The following TENM1 variants were observed in gnomAD, a reference collection of about 807,000 sequenced individuals.
TENM1 encodes the protein teneurin transmembrane protein 1.
In TENM1, 35 loss-of-function variants were observed where a neutral mutation model predicts 174.8. The observed-to-expected ratio is 0.20, with a 90% CI of 0.15 to 0.27. The LOEUF (loss-of-function observed/expected upper bound fraction) is 0.27. Among genes scored for constraint, TENM1 ranks in the 10% least tolerant of loss-of-function variants. The probability of loss-of-function intolerance (pLI) is 1.00; values close to 1 mark genes in which losing one functional copy is unlikely to be tolerated. For missense variants in TENM1, 1,633 were observed against 2,130.1 expected, an observed-to-expected ratio of 0.77 and a Z score of 4.59; for synonymous variants, 781 against 798.7, an observed-to-expected ratio of 0.98 and a Z score of 0.37.
At chrX:124,800,678 T>C (rs1440948596) in intron 3 of TENM1, among the ~76,000 whole-genome samples, 2 of 111,864 alleles carry the variant, frequency 1.8e-5, no homozygotes, top group Admixed American at 9.5e-5. Context: ...TGTGGCTCTT[T>C]TAATTGTGAT....
intron 3 of TENM1, among the ~76,000 whole-genome samples, chrX:124,856,531 A>G (rs1170954736): frequency 9.0e-6 from 1 of 111,602 alleles, no homozygotes; most frequent in Non-Finnish European, 1.9e-5. Flanking sequence ...TAATATTCAT[A>G]GCACAGTTAC....
Position 124,482,395 on chromosome X carries a change from G to C in TENM1, c.3717-431C>G, listed in dbSNP as rs752262436. Reference sequence around the variant, plus strand: ...TCATAAACCTACTTCCTTTCTCTTGGGCTTCTCACCTTGCTTGTGGACAAT... The same window carrying C: ...TCATAAACCTACTTCCTTTCTCTTGCGCTTCTCACCTTGCTTGTGGACAAT... On this transcript the variant is annotated intron_variant, in intron 21 of 31. Coordinates refer to ENST00000422452, the Ensembl canonical transcript of TENM1. Among the ~76,000 whole-genome samples the C allele has an allele frequency of 2.7e-5, 3 of 109,948 alleles. No homozygotes were observed. The East Asian group carries it at 8.6e-4, about 32-fold the overall frequency.
At position 124,561,657 on chromosome X, in the gene TENM1, T is replaced by G; in HGVS notation, c.2434+14A>C. The G allele has an allele frequency of 8.3e-7, 1 of 1,210,474 alleles. No homozygotes were observed. Among genetic ancestry groups the G allele is most frequent in the Non-Finnish European group, 1.1e-6 (1 of 894,785 alleles). On this transcript the variant is annotated intron_variant, in intron 14 of 31. Transcript: ENST00000422452. ...CTATTCCTTTCTTACGTGAACATTTTATAAATGACTCACCTCCATCATTGT... is the reference window on the plus strand; with the variant it reads ...CTATTCCTTTCTTACGTGAACATTTGATAAATGACTCACCTCCATCATTGT...
At chrX:124,996,552 CA>C in the TENM1 span, among the ~76,000 whole-genome samples, 2 of 72,596 alleles carry the variant, frequency 2.8e-5, no homozygotes, top group Non-Finnish European at 5.1e-5. Flanking sequence ...AAAAAAACCA[CA>C]CACACACACA....
At chrX:125,061,448 C>T in the TENM1 span, among the ~76,000 whole-genome samples, 1 of 111,738 alleles carries the variant, frequency 8.9e-6, no homozygotes, top group African/African-American at 3.3e-5. Context: ...TAGCATTGTG[C>T]TTGGCTACAG....
chrX:124,660,880 G>T (rs1248164548), intron 6 of TENM1, among the ~76,000 whole-genome samples: 1 of 111,788 alleles, frequency 8.9e-6, no homozygotes, highest in Admixed American at 9.5e-5. Flanking sequence ...CCACAACTTG[G>T]TGTATACTCC....
At chrX:124,664,484 G>T (rs1270127324) in intron 6 of TENM1, among the ~76,000 whole-genome samples, 2 of 96,477 alleles carry the variant, frequency 2.1e-5, no homozygotes, top group Non-Finnish European at 4.0e-5. Context: ...TCCACAATTG[G>T]CATTGTATAA....
intron 3 of TENM1, among the ~76,000 whole-genome samples, chrX:124,829,914 T>C (rs1360608084): frequency 6.2e-5 from 7 of 112,328 alleles, no homozygotes; most frequent in East Asian, 2.8e-4. Flanking sequence ...TTATTCATTG[T>C]GTGCCTTTTG....
intron 1 of TENM1, among the ~76,000 whole-genome samples, chrX:124,931,901 A>G (rs762396691): frequency 9.1e-6 from 1 of 109,946 alleles, no homozygotes; most frequent in South Asian, 3.9e-4. Context: ...ACACACACGT[A>G]CACGCACACA....
At chrX:125,017,921 G>A in the TENM1 span, among the ~76,000 whole-genome samples, 9 of 111,266 alleles carry the variant, frequency 8.1e-5, no homozygotes, top group Admixed American at 4.8e-4. Flanking sequence ...TAATGTAGAG[G>A]ATGGGTTGAT....
chrX:124,582,511 T>C (rs2049347412), intron 11 of TENM1, among the ~76,000 whole-genome samples: 1 of 112,189 alleles, frequency 8.9e-6, no homozygotes, highest in Admixed American at 9.4e-5. Context: ...TGGGATTGTA[T>C]TCTTGATTTG....
the TENM1 span, among the ~76,000 whole-genome samples, chrX:125,174,451 T>C: frequency 2.7e-5 from 3 of 111,284 alleles, no homozygotes; most frequent in Non-Finnish European, 5.7e-5. Flanking sequence ...ACAGCACTGA[T>C]ATCAGACAAA....
intron 4 of TENM1, among the ~76,000 whole-genome samples, chrX:124,720,929 G>C (rs1309514444): frequency 3.6e-5 from 4 of 111,914 alleles, no homozygotes; most frequent in Admixed American, 9.5e-5. Flanking sequence ...CCTGGAATTA[G>C]TAAACTTGCA....
chrX:124,420,376 G>C, exon 25 of TENM1: 2 of 1,211,365 alleles, frequency 1.7e-6, no homozygotes, highest in South Asian at 3.5e-5. Context: ...TTCCTGGATA[G>C]GTCATTAAGG....
intron 11 of TENM1, among the ~76,000 whole-genome samples, chrX:124,570,101 A>G (rs917170874): frequency 9.0e-6 from 1 of 111,533 alleles, no homozygotes; most frequent in African/African-American, 3.2e-5. Context: ...CTTTTTGCCA[A>G]TACATCTGAA....
At chrX:124,382,680 T>C (rs1410529274) in exon 31 of TENM1, 1 of 1,207,101 alleles carries the variant, frequency 8.3e-7, no homozygotes, top group Non-Finnish European at 1.1e-6. Flanking sequence ...CTTTCCAGGA[T>C]CCCACTCTTG....
chrX:125,009,018 G>T, the TENM1 span, among the ~76,000 whole-genome samples: 1,218 of 102,478 alleles, frequency 0.012, 30 homozygotes, highest in African/African-American at 0.04. Flanking sequence ...TAGAAGACAA[G>T]AAATAACTAA....
At position 124,642,045 on chromosome X, in the gene TENM1, C is replaced by T. The variant is rs112646639; in HGVS notation, c.1877-54G>A. On this transcript the variant is annotated intron_variant, in intron 10 of 31. Coordinates refer to ENST00000422452, the Ensembl canonical transcript of TENM1. ...GGTGATTAATAGTGAACAGGTATGG[C>T]CAACATACCTTAGTATGATGAAACG... The T allele has an allele frequency of 8.0e-4, 681 of 847,985 alleles. 4 individuals are homozygous for T. In the African/African-American group the frequency reaches 0.011, roughly 14 times the overall value. The allele number at this position is 847,985 out of a possible 1,213,427, so 69.9% of individuals were successfully genotyped here. A position where few individuals can be genotyped will look rare whatever the true frequency, so the allele number is the denominator to read the frequency against.
chrX:124,617,995 A>G (rs1367799368), intron 11 of TENM1, among the ~76,000 whole-genome samples: 1 of 112,103 alleles, frequency 8.9e-6, no homozygotes, highest in Non-Finnish European at 1.9e-5. Flanking sequence ...CAGAAATGTA[A>G]AATCTTTAAA....
Sources: gnomAD v4.1 joint callset for allele counts (sites outside exome capture counted in the v4.1 genomes callset) on GRCh38, gnomAD v4.1.1 for gene constraint, MANE v1.5 for transcripts, NCBI Gene and HGNC (gene_info 2026-07-23, HGNC 2026-07-21) for gene names.